Variants in TRIM67 observed in about 807,000 individuals in gnomAD.
TRIM67 encodes the protein tripartite motif containing 67, also known as tripartite motif-containing protein 67.
In TRIM67, 39 loss-of-function variants were observed where a neutral mutation model predicts 71.0. The ratio of observed to expected loss-of-function variants is 0.55; its 90% CI spans 0.43 to 0.72. TRIM67 has a LOEUF of 0.72. TRIM67 is among the 30% of genes least tolerant of loss of function. The probability of loss-of-function intolerance (pLI) is 0.00; values close to 1 mark genes in which losing one functional copy is unlikely to be tolerated. For synonymous variants in TRIM67, 481 were observed against 473.9 expected (o/e 1.01, Z -0.19); for missense variants, 973 against 1,079.2 (o/e 0.90, Z 1.38).
chr1:231,210,770 T>C (rs1018233400), intron 8 of TRIM67, among the ~76,000 whole-genome samples: 4 of 151,984 alleles, frequency 2.6e-5, no homozygotes, highest in Non-Finnish European at 5.9e-5. Context: ...GCTGGAATGG[T>C]GGCTTGCACC....
At chr1:231,193,540 C>A (rs1160864970) in intron 1 of TRIM67, among the ~76,000 whole-genome samples, 1 of 151,376 alleles carries the variant, frequency 6.6e-6, no homozygotes, top group Non-Finnish European at 1.5e-5. Context: ...CTCTCTCTCT[C>A]TCTCTCTCTC....
chr1:231,163,525 G>A lies in TRIM67; in HGVS notation c.556G>A (p.Val186Met). 1 of 1,516,436 alleles carries A rather than the reference G, an allele frequency of 6.6e-7. No individual in the cohort carries two copies. The highest frequency in any genetic ancestry group is 8.8e-7 in the Non-Finnish European group (1 of 1,138,028). The allele number at this position is 1,516,436 out of a possible 1,614,324, so 93.9% of individuals were successfully genotyped here. The change falls in exon 1 of 10, where the codon GTG (valine) becomes ATG (methionine). Residue 186 changes from valine to methionine, a missense_variant. Physicochemically the swap from Val to Met is conservative, Grantham distance 21. This residue lies in a region of TRIM67 where 795 missense variants were observed against 831.3 expected (regional missense o/e 0.96). Coordinates refer to ENST00000366653, the MANE Select transcript of TRIM67 (RefSeq NM_001004342.5). ...FQRNRLLEAI[V>M]QRYQQGRGAV... ...GCGCAACCGGCTGCTCGAGGCCATCGTGCAGCGGTACCAGCAGGGCCGCGG... is the reference window on the plus strand; with the variant it reads ...GCGCAACCGGCTGCTCGAGGCCATCATGCAGCGGTACCAGCAGGGCCGCGG...
intron 1 of TRIM67, chr1:231,183,956 G>A (rs995563966): frequency 3.3e-5 from 5 of 152,144 alleles, no homozygotes; most frequent in African/African-American, 1.2e-4. Flanking sequence ...GGAATGCTCT[G>A]ATAGCAGGGA....
rs1391580577 is a variant in TRIM67 at position 231,215,464 on chromosome 1, C to G, written c.*24C>G. ...AGCCCCGCTCCAGCTCGGCACTGTG[C>G]CTGTGACAGTGACATTCACAGGCAA... On this transcript the variant is annotated 3_prime_UTR_variant, in exon 10 of 10. Transcript: ENST00000366653. 1.9e-6 allele frequency: 3 copies of G among 1,577,348 alleles called. No individual in the cohort carries two copies. Among genetic ancestry groups the G allele is most frequent in the Middle Eastern group, 1.7e-4 (1 of 5,952 alleles).
rs1037087091 is a variant in TRIM67 at position 231,218,136 on chromosome 1, A to G, written c.*2696A>G. 73 of 1,052,606 alleles carry G rather than the reference A, an allele frequency of 6.9e-5. No individual in the cohort carries two copies. The highest frequency in any genetic ancestry group is 7.0e-5 in the Non-Finnish European group (61 of 867,052). 65.2% of individuals were successfully genotyped at this position (1,052,606 alleles called of 1,614,324 possible). On this transcript the variant is annotated 3_prime_UTR_variant, in exon 10 of 10. Coordinates refer to ENST00000366653, the MANE Select transcript of TRIM67 (RefSeq NM_001004342.5). The stretch of plus-strand genomic sequence containing the variant: ...ACACTTGTGTTTTTGAGGGATCAGA[A>G]AAGTGAAGAAGGAACTTATCAATTC...
At chr1:231,205,571 CA>C (rs1262488642) in intron 6 of TRIM67, among the ~76,000 whole-genome samples, 1 of 151,954 alleles carries the variant, frequency 6.6e-6, no homozygotes, top group Non-Finnish European at 1.5e-5. Context: ...ACTTAAAATA[CA>C]AAAATTACCC....
At chr1:231,203,792 ATGGGG>A in intron 5 of TRIM67, 70 bp from the exon 6 acceptor site, 1 of 1,507,174 alleles carries the variant, frequency 6.6e-7, no homozygotes, top group Non-Finnish European at 8.9e-7. Context: ...GACCCCTGGG[ATGGGG>A]TGGGGTGGGG....
intron 1 of TRIM67, among the ~76,000 whole-genome samples, chr1:231,173,466 A>G (rs558173142): frequency 6.6e-6 from 1 of 152,354 alleles, no homozygotes; most frequent in African/African-American, 2.4e-5. Flanking sequence ...ATTCAAGCTA[A>G]GACTTGAAGA....
intron 1 of TRIM67, among the ~76,000 whole-genome samples, chr1:231,165,184 G>A (rs1682418237): frequency 6.6e-6 from 1 of 152,114 alleles, no homozygotes; most frequent in Admixed American, 6.5e-5. Context: ...CAGGGAAGCT[G>A]ATAAACATTC....
At chr1:231,210,776 G>A (rs1355150919) in intron 8 of TRIM67, among the ~76,000 whole-genome samples, 2 of 151,830 alleles carry the variant, frequency 1.3e-5, no homozygotes, top group Non-Finnish European at 2.9e-5. Flanking sequence ...ATGGTGGCTT[G>A]CACCTGCAAT....
rs980775996 is a variant in TRIM67, at chr1:231,221,367, G to C, written c.*5927G>C. ...CACTGAAAACACGGGGGGTAGCGGG[G>C]AGTGGTAAGGAAAGCAACTTTTTTC... On this transcript the variant is annotated 3_prime_UTR_variant, in exon 10 of 10. Coordinates refer to ENST00000366653, the MANE Select transcript of TRIM67 (RefSeq NM_001004342.5). 2.0e-5 allele frequency: 3 copies of C among 152,602 alleles called. No homozygotes were observed. The highest frequency in any genetic ancestry group is 4.4e-5 in the Non-Finnish European group (3 of 68,046). The allele number at this position is 152,602 out of a possible 1,614,324, so 9.5% of individuals were successfully genotyped here. A position where few individuals can be genotyped will look rare whatever the true frequency, so the allele number is the denominator to read the frequency against.
chr1:231,217,461 A>C lies in TRIM67; in HGVS notation c.*2021A>C. ...CCCATATCCCTGCAGCTTCATCCTT[A>C]GCCATAGCTCTGGGTGGCCTTTGCT... On this transcript the variant is annotated 3_prime_UTR_variant, in exon 10 of 10. Coordinates refer to ENST00000366653, the MANE Select transcript of TRIM67 (RefSeq NM_001004342.5). The C allele has an allele frequency of 1.0e-6, 1 of 994,620 alleles. No individual in the cohort carries two copies. The highest frequency in any genetic ancestry group is 1.1e-4 in the East Asian group (1 of 9,306). The allele number at this position is 994,620 out of a possible 1,614,324, so 61.6% of individuals were successfully genotyped here.
rs1683820072 is a variant in TRIM67 at position 231,209,861 on chromosome 1, G to C, written c.2123+611G>C. ...TAGGGTCACCAGCATGGACACAGGA[G>C]ACTCAGGTCCTGGCCTGTGAAACTA... On this transcript the variant is annotated intron_variant, in intron 8 of 9. Transcript: ENST00000366653. This position sits in a 1 kb window ranked among gnomAD's most constrained non-coding sequence, Gnocchi z 4.1. Among the ~76,000 whole-genome samples the C allele has an allele frequency of 6.6e-6, 1 of 152,182 alleles. No individual in the cohort carries two copies. The highest frequency in any genetic ancestry group is 6.5e-5 in the Admixed American group (1 of 15,288).
chr1:231,188,485 G>A (rs1356779578), intron 1 of TRIM67, among the ~76,000 whole-genome samples: 1 of 152,166 alleles, frequency 6.6e-6, no homozygotes, highest in Admixed American at 6.5e-5. Context: ...GATGGTGGGT[G>A]GTCTCAGCCC....
Position 231,215,951 on chromosome 1 carries a change from T to C in TRIM67, c.*511T>C. 1.0e-6 allele frequency: 1 copy of C among 987,106 alleles called. No homozygotes were observed. The allele number at this position is 987,106 out of a possible 1,614,324, so 61.1% of individuals were successfully genotyped here. A position where few individuals can be genotyped will look rare whatever the true frequency, so the allele number is the denominator to read the frequency against. On this transcript the variant is annotated 3_prime_UTR_variant, in exon 10 of 10. Coordinates refer to ENST00000366653, the MANE Select transcript of TRIM67 (RefSeq NM_001004342.5). ...GCTGAGAAAGTTATCTTTTAGCTTC[T>C]TGGTCCTAGAGTCTTTAGTAGCACC...
intron 1 of TRIM67, among the ~76,000 whole-genome samples, chr1:231,195,141 G>A (rs1456893910): frequency 6.6e-6 from 1 of 152,198 alleles, no homozygotes; most frequent in Admixed American, 6.5e-5. Context: ...TCAGAGACAG[G>A]ATGTAAGCCA....
At chr1:231,197,847 A>AAGG (rs548919017) in intron 2 of TRIM67, among the ~76,000 whole-genome samples, 3 of 151,608 alleles carry the variant, frequency 2.0e-5, no homozygotes, top group South Asian at 4.2e-4. Context: ...GAAGAAGAAG[A>AAGG]AGAAGGAGAA....
chr1:231,175,496 G>C (rs1682722555), intron 1 of TRIM67, among the ~76,000 whole-genome samples: 1 of 152,228 alleles, frequency 6.6e-6, no homozygotes, highest in South Asian at 2.1e-4. Context: ...AGCAACAGCA[G>C]GAGCCAGAAC....
At chr1:231,211,050 A>ATTTT (rs10626734) in intron 8 of TRIM67, among the ~76,000 whole-genome samples, 5,027 of 135,612 alleles carry the variant, frequency 0.037, 133 homozygotes, top group South Asian at 0.072. Context: ...ATATATATAT[A>ATTTT]TTTTGTTTGT....
Sources: allele counts gnomAD v4.1 joint callset (sites outside exome capture counted in the v4.1 genomes callset), GRCh38; gene constraint gnomAD v4.1.1; regional missense constraint gnomAD v4.1.1; non-coding constraint Gnocchi (gnomAD v3.1); transcripts MANE v1.5; gene names NCBI Gene and HGNC (gene_info 2026-07-23, HGNC 2026-07-21).